The following NRG3 variants were observed in gnomAD, a reference collection of about 807,000 sequenced individuals.
The protein encoded by NRG3 is pro-neuregulin-3, membrane-bound isoform.
NRG3 carries 31 observed loss-of-function variants against 66.9 expected under a neutral mutation model. The ratio of observed to expected loss-of-function variants is 0.46; its 90% confidence interval spans 0.35 to 0.63. The LOEUF is 0.63. Among genes scored for constraint, NRG3 ranks in the 20% least tolerant of loss-of-function variants. The pLI is 0.00. For synonymous variants in NRG3, 393 were observed against 359.4 expected (o/e 1.09, Z -1.06); for missense variants, 910 against 878.9 (o/e 1.04, Z -0.45).
chr10:82,242,698 G>A (rs1173998783), intron 1 of NRG3, among the ~76,000 whole-genome samples: 1 of 152,130 alleles, frequency 6.6e-6, no homozygotes, highest in African/African-American at 2.4e-5. Context: ...AGATTAGGTG[G>A]AGAGAGAGGG....
intron 2 of NRG3, among the ~76,000 whole-genome samples, chr10:82,452,829 C>G (rs1033535266): frequency 6.6e-6 from 1 of 152,144 alleles, no homozygotes; most frequent in African/African-American, 2.4e-5. Context: ...TGCCCAACAT[C>G]CATTGAGCAC....
intron 1 of NRG3, among the ~76,000 whole-genome samples, chr10:82,026,555 T>C (rs1272207237): frequency 6.6e-6 from 1 of 152,102 alleles, no homozygotes; most frequent in Non-Finnish European, 1.5e-5. Context: ...GCTGTTAGTA[T>C]TGACTATTTT....
At chr10:82,504,117 T>C (rs1844454125) in intron 2 of NRG3, among the ~76,000 whole-genome samples, 1 of 152,164 alleles carries the variant, frequency 6.6e-6, no homozygotes, top group Non-Finnish European at 1.5e-5. Flanking sequence ...TAAGCTCTTG[T>C]CTGTGGATTT....
At chr10:82,162,939 A>G (rs1465635587) in intron 1 of NRG3, among the ~76,000 whole-genome samples, 1 of 152,162 alleles carries the variant, frequency 6.6e-6, no homozygotes, top group East Asian at 1.9e-4. Flanking sequence ...TTAAAATGCT[A>G]TTGCCCTGTT....
Position 82,674,865 on chromosome 10 carries a change from GA to G in NRG3, c.954-63711del, listed in dbSNP as rs200281956. ...AGAAAAGAAAGAGTTTAATTGACAT[GA>G]GGCCGGCCACACCATGGGGGAGAGG... On this transcript the variant is annotated intron_variant, in intron 2 of 8. Transcript: ENST00000372141. Among the ~76,000 whole-genome samples, 1,101 of 151,284 alleles carry G rather than the reference GA, an allele frequency of 7.3e-3. 14 individuals carry two copies. Among genetic ancestry groups the G allele is most frequent in the African/African-American group, 0.026 (1,058 of 41,156 alleles).
chr10:82,643,765 T>C (rs948587692), intron 2 of NRG3, among the ~76,000 whole-genome samples: 2 of 152,056 alleles, frequency 1.3e-5, no homozygotes, highest in Non-Finnish European at 2.9e-5. Context: ...ATGCTTCAGT[T>C]CTCTGGCATG....
intron 4 of NRG3, among the ~76,000 whole-genome samples, chr10:82,926,578 G>C (rs1308831453): frequency 6.6e-6 from 1 of 152,180 alleles, no homozygotes; most frequent in Non-Finnish European, 1.5e-5. Flanking sequence ...GAGCCATCTT[G>C]TCCTGAATAC....
At chr10:82,596,653 G>C (rs1322797217) in intron 2 of NRG3, among the ~76,000 whole-genome samples, 1 of 152,080 alleles carries the variant, frequency 6.6e-6, no homozygotes, top group Non-Finnish European at 1.5e-5. Flanking sequence ...TTAGCGGTAT[G>C]TTTTTACCTA....
chr10:82,666,679 A>T (rs1271781563), intron 2 of NRG3, among the ~76,000 whole-genome samples: 1 of 152,094 alleles, frequency 6.6e-6, no homozygotes, highest in Admixed American at 6.6e-5. Flanking sequence ...TCCTCTTCCC[A>T]CCATGGCTAG....
chr10:82,174,479 C>T (rs759846661), intron 1 of NRG3, among the ~76,000 whole-genome samples: 4 of 152,062 alleles, frequency 2.6e-5, no homozygotes, highest in African/African-American at 9.7e-5. Flanking sequence ...TGGCCCTTCG[C>T]TCTGACAATT....
intron 2 of NRG3, among the ~76,000 whole-genome samples, chr10:82,543,390 A>C (rs1157215557): frequency 1.3e-5 from 2 of 152,134 alleles, no homozygotes; most frequent in African/African-American, 4.8e-5. Flanking sequence ...AAAAATATAA[A>C]TTTTGTACTA....
intron 2 of NRG3, among the ~76,000 whole-genome samples, chr10:82,577,780 T>A (rs564003160): frequency 6.6e-6 from 1 of 151,820 alleles, no homozygotes; most frequent in East Asian, 1.9e-4. Context: ...CAGTGAAAGA[T>A]AAATATACAG....
intron 2 of NRG3, among the ~76,000 whole-genome samples, chr10:82,590,469 C>A (rs1394034227): frequency 6.6e-6 from 1 of 152,102 alleles, no homozygotes; most frequent in African/African-American, 2.4e-5. Flanking sequence ...AAGGTCATTA[C>A]AATAAATATT....
chr10:81,893,312 T>G lies in NRG3; in HGVS notation c.823+17149T>G, dbSNP rs1167289457. On this transcript the variant is annotated intron_variant, in intron 1 of 8. Transcript: ENST00000372141. ...TGTCAAAACACCTATAACCCTATAT[T>G]TAATGGTTCTGTGATGATGTATATT... Among the ~76,000 whole-genome samples the G allele has an allele frequency of 2.0e-5, 3 of 152,190 alleles. No homozygotes were observed. The East Asian group carries it at 5.8e-4, about 29-fold the overall frequency.
At chr10:82,879,565 C>T (rs1048402612) in intron 4 of NRG3, among the ~76,000 whole-genome samples, 2 of 151,794 alleles carry the variant, frequency 1.3e-5, no homozygotes, top group African/African-American at 2.4e-5. Flanking sequence ...CTCCACCTCC[C>T]GGCTTCACGC....
At chr10:82,542,386 G>C (rs1447163105) in intron 2 of NRG3, among the ~76,000 whole-genome samples, 1 of 152,098 alleles carries the variant, frequency 6.6e-6, no homozygotes, top group Admixed American at 6.5e-5. Context: ...CAATTTATCA[G>C]GCATCCCACT....
At chr10:82,821,315 A>C (rs2061943855) in intron 3 of NRG3, among the ~76,000 whole-genome samples, 1 of 152,172 alleles carries the variant, frequency 6.6e-6, no homozygotes, top group Non-Finnish European at 1.5e-5. Context: ...TAACAGAAAT[A>C]GCCTCTGAAA....
intron 8 of NRG3, among the ~76,000 whole-genome samples, chr10:82,982,234 C>A (rs1295815768): frequency 6.6e-6 from 1 of 152,140 alleles, no homozygotes; most frequent in Non-Finnish European, 1.5e-5. Flanking sequence ...GGTTTGGAGT[C>A]GCCTAGAGAA....
At chr10:82,604,400 C>T (rs779358969) in intron 2 of NRG3, among the ~76,000 whole-genome samples, 2 of 152,056 alleles carry the variant, frequency 1.3e-5, no homozygotes, top group Non-Finnish European at 2.9e-5. Context: ...AATATTCCGT[C>T]GCATAAATGT....
Sources: allele counts gnomAD v4.1 joint callset (sites outside exome capture counted in the v4.1 genomes callset), GRCh38; gene constraint gnomAD v4.1.1; transcripts MANE v1.5; gene names NCBI Gene and HGNC (gene_info 2026-07-23, HGNC 2026-07-21).